The following GREB1 variants were observed in gnomAD, a reference collection of about 807,000 sequenced individuals.
GREB1 encodes the protein protein GREB1.
Under a neutral mutation model 200.7 loss-of-function variants are expected in GREB1, and 106 were observed. That is an observed-to-expected ratio of 0.53 (90% confidence interval 0.45 to 0.62). The LOEUF is 0.62. GREB1 is among the 20% of genes least tolerant of loss of function. GREB1 has a pLI of 0.00. For missense variants in GREB1, 2,243 were observed against 2,556.8 expected (o/e 0.88, Z 2.65); for synonymous variants, 1,132 against 1,092.4 (o/e 1.04, Z -0.72).
chr2:11,625,200 C>T lies in GREB1; in HGVS notation c.4194C>T (p.Pro1398=). The change falls in exon 24 of 33, where the codon CCC becomes CCT. Residue 1398 remains proline, a synonymous_variant. Coordinates refer to ENST00000381486, the MANE Select transcript of GREB1 (RefSeq NM_014668.4). ...GGCATTATCTCCAGCTTAGCGACCCCTGGCCAGACCTGGAGCTGTTCAAGA... is the reference window on the plus strand; with the variant it reads ...GGCATTATCTCCAGCTTAGCGACCCTTGGCCAGACCTGGAGCTGTTCAAGA... ...SDWHYLQLSD[P]WPDLELFKKL... is the part of the protein sequence containing the mutation. 6.2e-7 allele frequency: 1 copy of T among 1,613,934 alleles called. No homozygotes were observed.
chr2:11,507,978 G>A (rs1673231007), intron 1 of GREB1, among the ~76,000 whole-genome samples: 1 of 152,142 alleles, frequency 6.6e-6, no homozygotes, highest in African/African-American at 2.4e-5. Flanking sequence ...AATATATTGA[G>A]GAAATTATCC....
At chr2:11,503,068 A>G (rs532606357) in intron 1 of GREB1, among the ~76,000 whole-genome samples, 2 of 152,250 alleles carry the variant, frequency 1.3e-5, no homozygotes, top group African/African-American at 4.8e-5. Context: ...GGGCAAGGAG[A>G]CCAATGTTCT....
rs1223606675 is a variant in GREB1, at chr2:11,517,761, C to T, written c.-159+35380C>T. 6.6e-5 allele frequency among the ~76,000 whole-genome samples: 10 copies of T among 152,300 alleles called. No homozygotes were observed. The East Asian group carries it at 1.7e-3, about 26-fold the overall frequency. On this transcript the variant is annotated intron_variant, in intron 1 of 2. Transcript: ENST00000628795. The stretch of plus-strand genomic sequence containing the variant: ...CCGCCTCCCGGGTTCATGCCATTCT[C>T]CTGCCTCAGCCTCCCGAGTAGCTGG...
intron 19 of GREB1, among the ~76,000 whole-genome samples, chr2:11,614,287 C>T (rs1248019965): frequency 1.3e-5 from 2 of 151,488 alleles, no homozygotes; most frequent in Non-Finnish European, 2.9e-5. Flanking sequence ...CCTCCACACC[C>T]GGCTAATTTT....
chr2:11,614,662 C>T (rs938483331), intron 19 of GREB1, among the ~76,000 whole-genome samples: 13 of 152,002 alleles, frequency 8.6e-5, no homozygotes, highest in Admixed American at 2.0e-4. Flanking sequence ...CTCCCGGGTT[C>T]ACTCCATTCT....
At chr2:11,562,698 C>A in intron 3 of GREB1, 116 bp downstream of exon 3, 1 of 1,257,578 alleles carries the variant, frequency 8.0e-7, no homozygotes, top group East Asian at 2.7e-5. Context: ...TGCTCTTCCT[C>A]TTTGCTTTCC....
chr2:11,604,151 C>T (rs1376200231), intron 17 of GREB1, among the ~76,000 whole-genome samples: 1 of 152,166 alleles, frequency 6.6e-6, no homozygotes, highest in African/African-American at 2.4e-5. Flanking sequence ...AACTTCTGTA[C>T]CCTGACCTGT....
chr2:11,565,902 G>A (rs370097578), intron 3 of GREB1, among the ~76,000 whole-genome samples: 1 of 152,002 alleles, frequency 6.6e-6, no homozygotes, highest in African/African-American at 2.4e-5. Flanking sequence ...TTATGTTTCC[G>A]TTTGCCGTCA....
chr2:11,600,051 G>A (rs13421972), intron 15 of GREB1, among the ~76,000 whole-genome samples: 32,102 of 152,132 alleles, frequency 0.21, 4,011 homozygotes, highest in African/African-American at 0.33. Flanking sequence ...TTTGATTGTC[G>A]CAGATCCACA....
At chr2:11,568,624 C>T (rs532856329) in intron 4 of GREB1, among the ~76,000 whole-genome samples, 23 of 152,250 alleles carry the variant, frequency 1.5e-4, no homozygotes, top group Non-Finnish European at 2.1e-4. Flanking sequence ...TTTGATCTGG[C>T]GGTGGCCGGG....
Position 11,640,513 on chromosome 2 carries a change from G to A in GREB1, c.*59G>A, listed in dbSNP as rs1685743036. The A allele has an allele frequency of 1.3e-6, 2 of 1,580,384 alleles. No individual in the cohort carries two copies. The highest frequency in any genetic ancestry group is 1.7e-6 in the Non-Finnish European group (2 of 1,152,462). On this transcript the variant is annotated 3_prime_UTR_variant, in exon 33 of 33. Transcript: ENST00000381486. This position sits in a 1 kb window ranked among gnomAD's most constrained non-coding sequence, Gnocchi z 4.6. Reference sequence around the variant, plus strand: ...TGCTCAGAGCCCTCATGCTGTTGAGGCTAAAGGGAGGCCTGGAACGGTGGG... The same window carrying A: ...TGCTCAGAGCCCTCATGCTGTTGAGACTAAAGGGAGGCCTGGAACGGTGGG...
chr2:11,523,260 G>C (rs1047147721), intron 1 of GREB1, among the ~76,000 whole-genome samples: 5 of 152,024 alleles, frequency 3.3e-5, no homozygotes, highest in East Asian at 1.9e-4. Context: ...GGGAGGATCA[G>C]AAAAAATAAC....
chr2:11,568,910 C>T (rs1404414110), intron 4 of GREB1, among the ~76,000 whole-genome samples: 1 of 152,222 alleles, frequency 6.6e-6, no homozygotes, highest in Admixed American at 6.5e-5. Flanking sequence ...ATACTTAACA[C>T]TGTTTAGGTT....
rs574972786 is a variant in GREB1 at position 11,564,941 on chromosome 2, A to T, written c.278-1539A>T. ...GCTGGTGTGGGGAAACTCCCCTTTTAAAAACCATCAGATCTCATGAGACAA... is the reference window on the plus strand; with the variant it reads ...GCTGGTGTGGGGAAACTCCCCTTTTTAAAACCATCAGATCTCATGAGACAA... On this transcript the variant is annotated intron_variant, in intron 3 of 32. Transcript: ENST00000381486. Among the ~76,000 whole-genome samples the T allele has an allele frequency of 3.9e-5, 6 of 152,308 alleles. 1 individual carries two copies. Among genetic ancestry groups the T allele is most frequent in the African/African-American group, 9.6e-5 (4 of 41,572 alleles).
chr2:11,618,169 ACTCCTGGGACAGGTCACTCCTGGGATGGG>A, intron 21 of GREB1, 90 bp from the exon 22 acceptor site: 1 of 887,234 alleles, frequency 1.1e-6, no homozygotes, highest in South Asian at 2.0e-5. Context: ...GGGATGGGTG[ACTCCTGGGACAGGTCACTCCTGGGATGGG>A]TGACTCCTGG....
chr2:11,624,348 T>C (rs1238069203), intron 23 of GREB1, among the ~76,000 whole-genome samples: 3 of 150,328 alleles, frequency 2.0e-5, no homozygotes, highest in Non-Finnish European at 4.4e-5. Flanking sequence ...ATTCTTTTTT[T>C]TTTTTTTTTT....
rs1685206906 is a variant in GREB1 at position 11,635,167 on chromosome 2, C to CG, written c.5211-103_5211-102insG. 2.9e-6 allele frequency: 4 copies of CG among 1,373,660 alleles called. No individual in the cohort carries two copies. The African/African-American group carries it at 5.8e-5, about 20-fold the overall frequency. The allele number at this position is 1,373,660 out of a possible 1,614,324, so 85.1% of individuals were successfully genotyped here. On this transcript the variant is annotated intron_variant, in intron 29 of 32. Coordinates refer to ENST00000381486, the MANE Select transcript of GREB1 (RefSeq NM_014668.4). ...GCAAGAATGAAGCCCACTCCACCTTCATAGCCCCCTACGATGGGGACCCAC... is the reference window on the plus strand; with the variant it reads ...GCAAGAATGAAGCCCACTCCACCTTCGATAGCCCCCTACGATGGGGACCCAC...
At chr2:11,542,123 C>T (rs1674816758) in intron 1 of GREB1, among the ~76,000 whole-genome samples, 1 of 152,188 alleles carries the variant, frequency 6.6e-6, no homozygotes, top group Admixed American at 6.5e-5. Flanking sequence ...AGTTCAGTTT[C>T]ACCCTTAGCA....
At chr2:11,522,313 C>G (rs1673730727) in intron 1 of GREB1, among the ~76,000 whole-genome samples, 1 of 152,082 alleles carries the variant, frequency 6.6e-6, no homozygotes, top group African/African-American at 2.4e-5. Context: ...ATGTCATTGC[C>G]AAGGTCTGAT....
Sources: gnomAD v4.1 joint callset for allele counts (sites outside exome capture counted in the v4.1 genomes callset) on GRCh38, gnomAD v4.1.1 for gene constraint, Gnocchi (gnomAD v3.1) non-coding constraint, MANE v1.5 for transcripts, NCBI Gene and HGNC (gene_info 2026-07-23, HGNC 2026-07-21) for gene names.